The following AKR1B1 variants were observed in gnomAD, a reference collection of about 807,000 sequenced individuals.
AKR1B1 encodes aldo-keto reductase family 1 member B1.
AKR1B1 carries 22 observed loss-of-function variants against 40.4 expected under a neutral mutation model. The observed-to-expected ratio is 0.54, with a 90% CI of 0.39 to 0.78. AKR1B1 has a LOEUF of 0.78. Among genes scored for constraint, AKR1B1 ranks in the 30% least tolerant of loss-of-function variants. The pLI is 0.00. For synonymous variants in AKR1B1, 157 were observed against 149.9 expected (o/e 1.05, Z -0.35); for missense variants, 357 against 396.7 (o/e 0.90, Z 0.85).
At chr7:134,451,014 G>C (rs1175652717) in intron 2 of AKR1B1, 112 bp from the exon 3 acceptor site, 5 of 835,588 alleles carry the variant, frequency 6.0e-6, no homozygotes, top group Non-Finnish European at 1.0e-5. Context: ...CCATGATGCT[G>C]TGAATGGTTG....
intron 1 of AKR1B1, among the ~76,000 whole-genome samples, chr7:134,458,455 C>T (rs569219976): frequency 6.6e-6 from 1 of 152,222 alleles, no homozygotes; most frequent in South Asian, 2.1e-4. Flanking sequence ...TGCCCTCTAC[C>T]GGCTTGAGAT....
intron 1 of AKR1B1, 113 bp from the exon 2 acceptor site, chr7:134,451,866 G>A: frequency 8.5e-7 from 1 of 1,170,234 alleles, no homozygotes; most frequent in South Asian, 1.3e-5. Flanking sequence ...GTTCAGCAAA[G>A]ACAGACCACG....
At chr7:134,458,161 T>TG (rs1437712159) in intron 1 of AKR1B1, among the ~76,000 whole-genome samples, 5 of 152,240 alleles carry the variant, frequency 3.3e-5, no homozygotes, top group Non-Finnish European at 1.5e-5. Context: ...CTATTATTTT[T>TG]GGTTTTTCAT....
At chr7:134,446,329 G>T (rs1806095075) in intron 8 of AKR1B1, among the ~76,000 whole-genome samples, 1 of 152,198 alleles carries the variant, frequency 6.6e-6, no homozygotes, top group East Asian at 1.9e-4. Context: ...CCTCTTCAGG[G>T]ATCACTCTCA....
chr7:134,442,505 T>C lies in AKR1B1; in HGVS notation c.*223A>G. 1.9e-6 allele frequency: 1 copy of C among 534,810 alleles called. No individual in the cohort carries two copies. 33.1% of individuals were successfully genotyped at this position (534,810 alleles called of 1,614,324 possible). A position where few individuals can be genotyped will look rare whatever the true frequency, so the allele number is the denominator to read the frequency against. On this transcript the variant is annotated 3_prime_UTR_variant, in exon 10 of 10. Transcript: ENST00000285930. ...AGAAAAGGGTATTCAGGTTGTACTT[T>C]CCCCAGCAGGGTAGAAAGAAGGGCA...
At chr7:134,454,899 C>T (rs1806417848) in intron 1 of AKR1B1, among the ~76,000 whole-genome samples, 2 of 152,198 alleles carry the variant, frequency 1.3e-5, no homozygotes, top group Admixed American at 1.3e-4. Context: ...ACTGCTGTTT[C>T]CAACTAGTTG....
rs1806183497 is a variant in AKR1B1, at chr7:134,448,633, C to G, written c.553-140G>C. 5.5e-6 allele frequency: 4 copies of G among 730,580 alleles called. No homozygotes were observed. The South Asian group carries it at 6.0e-5, about 11-fold the overall frequency. The allele number at this position is 730,580 out of a possible 1,614,324, so 45.3% of individuals were successfully genotyped here. On this transcript the variant is annotated intron_variant, in intron 5 of 9. Transcript: ENST00000285930. ...ACAAACACCCTATTTCCCAGATAAG[C>G]TGTAACTTCCTACAGTTCCCAGGTA...
intron 9 of AKR1B1, among the ~76,000 whole-genome samples, chr7:134,443,072 G>A (rs1805987597): frequency 6.6e-6 from 1 of 152,192 alleles, no homozygotes; most frequent in South Asian, 2.1e-4. Flanking sequence ...CAGTAACTCA[G>A]TCTAGCTGGC....
At chr7:134,450,973 A>C (rs753847300) in intron 2 of AKR1B1, 71 bp from the exon 3 acceptor site, 1 of 1,270,600 alleles carries the variant, frequency 7.9e-7, no homozygotes, top group Non-Finnish European at 1.1e-6. Flanking sequence ...AAGACAGAGC[A>C]GTCTCCTCTC....
intron 1 of AKR1B1, among the ~76,000 whole-genome samples, chr7:134,454,367 C>T (rs1457301335): frequency 6.6e-6 from 1 of 152,190 alleles, no homozygotes; most frequent in Admixed American, 6.5e-5. Context: ...TTGATAACAC[C>T]GGCTGGCTAA....
At position 134,448,982 on chromosome 7, in the gene AKR1B1, T is replaced by C; in HGVS notation, c.552+15A>G. On this transcript the variant is annotated intron_variant, in intron 5 of 9. Transcript: ENST00000285930. Reference sequence around the variant, plus strand: ...CAGCAACGTTGCAATGCCAGTGTCGTTGGGGGATGTTTACCTGGTTAACTG... The same window carrying C: ...CAGCAACGTTGCAATGCCAGTGTCGCTGGGGGATGTTTACCTGGTTAACTG... 1.2e-6 allele frequency: 2 copies of C among 1,613,926 alleles called. No individual in the cohort carries two copies. The highest frequency in any genetic ancestry group is 1.7e-6 in the Non-Finnish European group (2 of 1,179,910).
At chr7:134,457,809 TAAGC>T (rs1372994406) in intron 1 of AKR1B1, among the ~76,000 whole-genome samples, 3 of 152,068 alleles carry the variant, frequency 2.0e-5, no homozygotes, top group Non-Finnish European at 4.4e-5. Context: ...GAGATCACCC[TAAGC>T]AACAAGCGGA....
In AKR1B1 at chr7:134,451,639, C is replaced by G. The variant is rs769563589; in HGVS notation, c.181G>C (p.Glu61Gln). The change falls in exon 2 of 10, where the codon GAG becomes CAG. Residue 61 changes from glutamate to glutamine, a missense_variant. By Grantham distance (29) the Glu-to-Gln change is conservative (BLOSUM62 2). Coordinates refer to ENST00000285930, the MANE Select transcript of AKR1B1 (RefSeq NM_001628.4). ...NENEVGVAIQ[E>Q]KLREQVVKRE... ...TTCACCACCTGCTCCCTGAGCTTCTCCTGAATGGCCACCCCCACCTCATTC... is the reference window on the plus strand; with the variant it reads ...TTCACCACCTGCTCCCTGAGCTTCTGCTGAATGGCCACCCCCACCTCATTC... 6.2e-7 allele frequency: 1 copy of G among 1,614,192 alleles called. No individual in the cohort carries two copies. Among genetic ancestry groups the G allele is most frequent in the East Asian group, 2.2e-5 (1 of 44,876 alleles).
rs1019342899 is a variant in AKR1B1 at position 134,459,046 on chromosome 7, A to T, written c.17T>A (p.Leu6Gln). The T allele has an allele frequency of 6.2e-7, 1 of 1,607,418 alleles. No individual in the cohort carries two copies. Among genetic ancestry groups the T allele is most frequent in the Non-Finnish European group, 8.5e-7 (1 of 1,177,520 alleles). The change falls in exon 1 of 10, where the codon CTG becomes CAG. Residue 6 changes from leucine to glutamine, a missense_variant. Transcript: ENST00000285930. MASRLLLNNGAKMPIL... is the reference protein window; with the variant it reads MASRLQLNNGAKMPIL... ...GGGCATCTTGGCGCCGTTGTTGAGC[A>T]GGAGACGGCTTGCCATGGCTGCTGC...
rs2117453260 is a variant in AKR1B1, at chr7:134,449,125, G to T, written c.430-6C>A. 1 of 1,613,170 alleles carries T rather than the reference G, an allele frequency of 6.2e-7. No homozygotes were observed. The highest frequency in any genetic ancestry group is 8.5e-7 in the Non-Finnish European group (1 of 1,180,030). ...TCCACCAGCTCTTCCATGGCCTACA[G>T]AGAAAAGTGTCTGTGTGGTGCAGAA... On this transcript the variant is annotated splice_region_variant and splice_polypyrimidine_tract_variant and intron_variant, in intron 4 of 9. Coordinates refer to ENST00000285930, the MANE Select transcript of AKR1B1 (RefSeq NM_001628.4).
At chr7:134,454,188 G>A (rs1806392706) in intron 1 of AKR1B1, among the ~76,000 whole-genome samples, 1 of 152,248 alleles carries the variant, frequency 6.6e-6, no homozygotes, top group South Asian at 2.1e-4. Context: ...GCCCTTGATG[G>A]GCAAAACCAT....
chr7:134,457,419 A>G (rs1456492615), intron 1 of AKR1B1, among the ~76,000 whole-genome samples: 1 of 152,220 alleles, frequency 6.6e-6, no homozygotes, highest in East Asian at 1.9e-4. Flanking sequence ...ACAGATGGAA[A>G]TTAGCTTGGT....
chr7:134,456,279 AAC>A (rs1433622595), intron 1 of AKR1B1, among the ~76,000 whole-genome samples: 1 of 151,992 alleles, frequency 6.6e-6, no homozygotes, highest in Non-Finnish European at 1.5e-5. Flanking sequence ...GGCTCACTGC[AAC>A]CTCCACATCT....
At chr7:134,446,219 T>C (rs576054249) in intron 8 of AKR1B1, among the ~76,000 whole-genome samples, 1 of 152,348 alleles carries the variant, frequency 6.6e-6, no homozygotes, top group South Asian at 2.1e-4. Flanking sequence ...TGCCTTTCCC[T>C]CAGTGGCCAC....
Sources: gnomAD v4.1 joint callset for allele counts (sites outside exome capture counted in the v4.1 genomes callset) on GRCh38, gnomAD v4.1.1 for gene constraint, MANE v1.5 for transcripts, NCBI Gene and HGNC (gene_info 2026-07-23, HGNC 2026-07-21) for gene names.